GRK3: variants seen among roughly 807,000 people sequenced by gnomAD.
The protein encoded by GRK3 is adrenergic, beta, receptor kinase 2.
Under a neutral mutation model 95.7 loss-of-function variants are expected in GRK3, and 54 were observed. That is an observed-to-expected ratio of 0.56 (90% CI 0.45 to 0.71). The LOEUF (loss-of-function observed/expected upper bound fraction) is 0.71, where lower values mean the gene tolerates loss of function less well. GRK3 is among the 30% of genes least tolerant of loss of function. GRK3 has a pLI of 0.00. For synonymous variants in GRK3, 281 were observed against 290.8 expected (o/e 0.97, Z 0.34); for missense variants, 649 against 851.2 (o/e 0.76, Z 2.96).
At chr22:25,581,970 A>G (rs1225828996) in intron 1 of GRK3, among the ~76,000 whole-genome samples, 1 of 152,194 alleles carries the variant, frequency 6.6e-6, no homozygotes, top group Non-Finnish European at 1.5e-5. Flanking sequence ...ACATTTCAGA[A>G]TAATCATTTT....
rs146044412 is a variant in GRK3, at chr22:25,728,692, G to A, written c.*6242G>A. 1 of 152,272 alleles carries A rather than the reference G, an allele frequency of 6.6e-6. No individual in the cohort carries two copies. Among genetic ancestry groups the A allele is most frequent in the Non-Finnish European group, 1.5e-5 (1 of 68,022 alleles). 9.4% of individuals were successfully genotyped at this position (152,272 alleles called of 1,614,324 possible). A position where few individuals can be genotyped will look rare whatever the true frequency, so the allele number is the denominator to read the frequency against. ...CTTAGAAACACTGCTTTTAAGAGTAGCACATTTGAGTGTGACTTTTTCCCC... is the reference window on the plus strand; with the variant it reads ...CTTAGAAACACTGCTTTTAAGAGTAACACATTTGAGTGTGACTTTTTCCCC... On this transcript the variant is annotated 3_prime_UTR_variant, in exon 21 of 21. Transcript: ENST00000324198.
rs2084800966 is a variant in GRK3 at position 25,648,224 on chromosome 22, C to G, written c.264+3559C>G. 7.8e-6 allele frequency: 6 copies of G among 767,256 alleles called. No individual in the cohort carries two copies. In the East Asian group the frequency reaches 1.5e-4, roughly 19 times the overall value. 47.5% of individuals were successfully genotyped at this position (767,256 alleles called of 1,614,324 possible). A position where few individuals can be genotyped will look rare whatever the true frequency, so the allele number is the denominator to read the frequency against. On this transcript the variant is annotated intron_variant, in intron 3 of 20. Transcript: ENST00000324198. ...GTGATTGGGATGAGGTAAGGGGTGACAATGTGAAACACCACAAAATTAGGA... is the reference window on the plus strand; with the variant it reads ...GTGATTGGGATGAGGTAAGGGGTGAGAATGTGAAACACCACAAAATTAGGA...
At chr22:25,572,319 C>T (rs547497551) in intron 1 of GRK3, among the ~76,000 whole-genome samples, 11 of 152,188 alleles carry the variant, frequency 7.2e-5, no homozygotes, top group South Asian at 6.2e-4. Context: ...AATAAACATA[C>T]GTGTGCATGT....
At chr22:25,588,018 C>G (rs1413234713) in intron 1 of GRK3, among the ~76,000 whole-genome samples, 2 of 152,126 alleles carry the variant, frequency 1.3e-5, no homozygotes, top group Non-Finnish European at 1.5e-5. Flanking sequence ...AGGCTGGTCT[C>G]AAACTCCTGA....
chr22:25,582,458 C>T (rs1365571252), intron 1 of GRK3, among the ~76,000 whole-genome samples: 1 of 152,106 alleles, frequency 6.6e-6, no homozygotes, highest in Non-Finnish European at 1.5e-5. Context: ...CAGGTCTCCA[C>T]AAATTAATCT....
rs182896979 is a variant in GRK3, at chr22:25,633,140, C to T, written c.191-11452C>T. ...CCATGTTGGCTAGACTGGCTTCGAA[C>T]TCCTGACCTCAAGTGATCCACCCGC... On this transcript the variant is annotated intron_variant, in intron 2 of 20. Transcript: ENST00000324198. Among the ~76,000 whole-genome samples the T allele has an allele frequency of 1.3e-4, 20 of 152,036 alleles. No individual in the cohort carries two copies. In the East Asian group the frequency reaches 3.9e-3, roughly 29 times the overall value.
intron 6 of GRK3, among the ~76,000 whole-genome samples, chr22:25,669,278 G>A (rs926858503): frequency 3.3e-5 from 5 of 152,062 alleles, no homozygotes; most frequent in African/African-American, 1.2e-4. Flanking sequence ...GGACATGTGC[G>A]ATGTCTTCCC....
At chr22:25,667,826 C>T (rs760340500) in intron 6 of GRK3, 26 bp downstream of exon 6, 2 of 1,418,566 alleles carry the variant, frequency 1.4e-6, no homozygotes, top group East Asian at 4.6e-5. Flanking sequence ...CATATATATA[C>T]ACAATTTTTT....
At chr22:25,683,076 G>A (rs925182685) in intron 9 of GRK3, among the ~76,000 whole-genome samples, 7 of 152,314 alleles carry the variant, frequency 4.6e-5, no homozygotes, top group African/African-American at 1.7e-4. Context: ...ATTTTATAGA[G>A]CCCATTACCT....
At chr22:25,677,377 TAAAAAAAAAAAAA>T (rs376997700) in intron 8 of GRK3, among the ~76,000 whole-genome samples, 233 of 42,568 alleles carry the variant, frequency 5.5e-3, no homozygotes, top group Non-Finnish European at 7.8e-3. Context: ...CCCCATATCT[TAAAAAAAAAAAAA>T]AAAAAAAAAA....
intron 15 of GRK3, among the ~76,000 whole-genome samples, chr22:25,707,700 T>C (rs1956491158): frequency 6.6e-6 from 1 of 152,052 alleles, no homozygotes; most frequent in Non-Finnish European, 1.5e-5. Context: ...GGCACTGGGT[T>C]TGGTTATAAA....
At chr22:25,670,442 A>G (rs1424764626) in intron 6 of GRK3, among the ~76,000 whole-genome samples, 1 of 152,068 alleles carries the variant, frequency 6.6e-6, no homozygotes, top group Non-Finnish European at 1.5e-5. Flanking sequence ...TGAGGGTTGT[A>G]TCGACCTAGG....
At chr22:25,579,592 C>G (rs1219239040) in intron 1 of GRK3, among the ~76,000 whole-genome samples, 6 of 152,048 alleles carry the variant, frequency 3.9e-5, no homozygotes, top group Non-Finnish European at 7.4e-5. Context: ...CCTGCCTCAG[C>G]CTCCTGAGTA....
intron 13 of GRK3, among the ~76,000 whole-genome samples, chr22:25,700,470 G>T (rs2085249572): frequency 6.6e-6 from 1 of 152,242 alleles, no homozygotes; most frequent in Admixed American, 6.5e-5. Flanking sequence ...AGAACTGAGT[G>T]CTGCTGGCGC....
chr22:25,688,929 T>C (rs1401041538), intron 11 of GRK3, among the ~76,000 whole-genome samples: 1 of 152,288 alleles, frequency 6.6e-6, no homozygotes, highest in East Asian at 1.9e-4. Flanking sequence ...TGTTTGCCTC[T>C]CATTTCAGAT....
At chr22:25,683,018 G>C (rs1339601601) in intron 9 of GRK3, among the ~76,000 whole-genome samples, 2 of 152,262 alleles carry the variant, frequency 1.3e-5, no homozygotes, top group Non-Finnish European at 2.9e-5. Flanking sequence ...GTGCAGCAGA[G>C]GTCAGAAAGC....
Position 25,721,262 on chromosome 22 carries a change from A to G in GRK3, c.1792-22A>G, listed in dbSNP as rs3730118. The G allele has an allele frequency of 1.0e-3, 1,368 of 1,320,726 alleles. 14 individuals carry two copies. The African/African-American group carries it at 0.019, about 18-fold the overall frequency. 81.8% of individuals were successfully genotyped at this position (1,320,726 alleles called of 1,614,324 possible). On this transcript the variant is annotated intron_variant, in intron 19 of 20. Transcript: ENST00000324198. Reference sequence around the variant, plus strand: ...GAAATCACAAAATAATTTGAATTTTAAATTTCTGTTTTTATGGTTAGCAAA... The same window carrying G: ...GAAATCACAAAATAATTTGAATTTTGAATTTCTGTTTTTATGGTTAGCAAA...
chr22:25,706,975 C>T (rs2085304603), intron 15 of GRK3, among the ~76,000 whole-genome samples: 1 of 152,070 alleles, frequency 6.6e-6, no homozygotes, highest in Non-Finnish European at 1.5e-5. Context: ...GCCCACATTA[C>T]CATGCCTGGC....
chr22:25,663,699 T>G lies in GRK3; in HGVS notation c.436T>G (p.Phe146Val). 3 of 1,605,460 alleles carry G rather than the reference T, an allele frequency of 1.9e-6. No homozygotes were observed. The highest frequency in any genetic ancestry group is 2.6e-6 in the Non-Finnish European group (3 of 1,173,170). Residue 146 changes from phenylalanine (F) to valine (V), a missense_variant, in exon 5 of 21, where the codon TTT (phenylalanine) becomes GTT (valine). Coordinates refer to ENST00000324198, the MANE Select transcript of GRK3 (RefSeq NM_005160.4). The part of the protein sequence containing the change: ...LSKKQVTSTL[F>V]QPYIEEICES... ...CAAGAAACAAGTGACATCAACTCTT[T>G]TTCAGGTAAGATAAAATTATTCCAA... is the stretch of plus-strand genomic sequence containing the variant.
Sources: allele counts gnomAD v4.1 joint callset (sites outside exome capture counted in the v4.1 genomes callset), GRCh38; gene constraint gnomAD v4.1.1; transcripts MANE v1.5; gene names NCBI Gene and HGNC (gene_info 2026-07-23, HGNC 2026-07-21).